Variants in VPS8 observed in about 807,000 individuals in gnomAD.
VPS8 encodes the protein VPS8 subunit of CORVET complex.
A neutral mutation model predicts 216.4 loss-of-function variants in VPS8; 129 were observed. The observed-to-expected ratio is 0.60, with a 90% CI of 0.52 to 0.69. The LOEUF is 0.69. Among genes scored for constraint, VPS8 ranks in the 30% least tolerant of loss-of-function variants. The pLI, the probability that VPS8 is intolerant of heterozygous loss-of-function variation, is 0.00. For synonymous variants in VPS8, 571 were observed against 565.4 expected, an observed-to-expected ratio of 1.01 and a Z score of -0.14; for missense variants, 1,531 against 1,683.5, an observed-to-expected ratio of 0.91 and a Z score of 1.59.
intron 46 of VPS8, among the ~76,000 whole-genome samples, chr3:185,043,778 A>C (rs1275762743): frequency 3.9e-5 from 6 of 152,184 alleles, no homozygotes; most frequent in Non-Finnish European, 8.8e-5. Context: ...ATTAAAGCAG[A>C]ATCATGAAGG....
chr3:184,942,461 T>C (rs1170408334), intron 36 of VPS8, among the ~76,000 whole-genome samples: 3 of 152,174 alleles, frequency 2.0e-5, no homozygotes, highest in African/African-American at 7.2e-5. Context: ...CTCACAGGCC[T>C]TCCTCTCCCC....
chr3:185,023,528 GC>G (rs1460643876), intron 45 of VPS8, among the ~76,000 whole-genome samples: 1 of 152,080 alleles, frequency 6.6e-6, no homozygotes, highest in African/African-American at 2.4e-5. Flanking sequence ...GCATGGTGGC[GC>G]ATACCTGTAA....
At chr3:184,940,091 C>T in intron 35 of VPS8, 106 bp from the exon 36 acceptor site, 1 of 415,830 alleles carries the variant, frequency 2.4e-6, no homozygotes, top group South Asian at 5.5e-5. Context: ...TGGAAATACT[C>T]AGATATCTGT....
intron 45 of VPS8, among the ~76,000 whole-genome samples, chr3:185,013,602 G>C (rs1755356218): frequency 6.6e-6 from 1 of 152,178 alleles, no homozygotes; most frequent in Non-Finnish European, 1.5e-5. Context: ...TGTCCTTCTA[G>C]ATGCTTTTTT....
chr3:184,887,527 C>T (rs1398387867), intron 22 of VPS8, among the ~76,000 whole-genome samples: 2 of 151,728 alleles, frequency 1.3e-5, no homozygotes, highest in South Asian at 2.1e-4. Context: ...TATTATCATC[C>T]ACATTTTATA....
rs530526858 is a variant in VPS8, at chr3:184,843,502, C to T, written c.541+257C>T. On this transcript the variant is annotated intron_variant, in intron 8 of 47. Coordinates refer to ENST00000625842, the MANE Select transcript of VPS8 (RefSeq NM_001009921.3). ...TTTTCCTTTGATCTTTTGATGTAGTCCCAAACCTTTTCTTTGAGTTTGTAT... is the reference window on the plus strand; with the variant it reads ...TTTTCCTTTGATCTTTTGATGTAGTTCCAAACCTTTTCTTTGAGTTTGTAT... Among the ~76,000 whole-genome samples the T allele has an allele frequency of 3.3e-5, 5 of 152,154 alleles. No individual in the cohort carries two copies. In the South Asian group the frequency reaches 1.0e-3, roughly 32 times the overall value.
intron 37 of VPS8, among the ~76,000 whole-genome samples, chr3:184,959,525 C>T (rs71318385): frequency 4.6e-5 from 7 of 152,136 alleles, no homozygotes; most frequent in East Asian, 1.9e-4. Flanking sequence ...GAATAGCCAC[C>T]GCCCCCCACC....
chr3:184,853,798 G>T, intron 11 of VPS8, 59 bp from the exon 12 acceptor site: 1 of 1,536,058 alleles, frequency 6.5e-7, no homozygotes, highest in Non-Finnish European at 8.8e-7. Context: ...TCCAGGTAGA[G>T]ATAGTAGTGC....
At chr3:184,848,858 C>T (rs1723689013) in intron 8 of VPS8, among the ~76,000 whole-genome samples, 3 of 152,188 alleles carry the variant, frequency 2.0e-5, no homozygotes, top group Middle Eastern at 3.4e-3. Flanking sequence ...CATGAGCCAC[C>T]GCACCCGGCC....
In VPS8 at chr3:184,900,918, C is replaced by T; in HGVS notation, c.2095-3C>T. Reference sequence around the variant, plus strand: ...GATTGTTTTCCTATTAATTTTAATGCAGAAACTTTTCAGAGTCATTGCTCC... The same window carrying T: ...GATTGTTTTCCTATTAATTTTAATGTAGAAACTTTTCAGAGTCATTGCTCC... On this transcript the variant is annotated splice_region_variant and splice_polypyrimidine_tract_variant and intron_variant, in intron 24 of 47. Coordinates refer to ENST00000625842, the MANE Select transcript of VPS8 (RefSeq NM_001009921.3). 1 of 1,600,946 alleles carries T rather than the reference C, an allele frequency of 6.2e-7. No individual in the cohort carries two copies. The highest frequency in any genetic ancestry group is 1.3e-5 in the African/African-American group (1 of 74,110).
chr3:184,915,798 G>C (rs1737452346), intron 28 of VPS8, among the ~76,000 whole-genome samples: 1 of 152,114 alleles, frequency 6.6e-6, no homozygotes, highest in Non-Finnish European at 1.5e-5. Flanking sequence ...TACAGAGAGA[G>C]ACTCTGTCTC....
intron 45 of VPS8, among the ~76,000 whole-genome samples, chr3:185,001,635 A>G (rs546004164): frequency 2.7e-5 from 4 of 150,834 alleles, no homozygotes; most frequent in South Asian, 2.1e-4. Context: ...CCTGAAAATT[A>G]TTGGTCATTT....
chr3:184,942,250 TA>T (rs1413862700), intron 36 of VPS8, among the ~76,000 whole-genome samples: 1 of 152,232 alleles, frequency 6.6e-6, no homozygotes, highest in East Asian at 1.9e-4. Context: ...AGATGTTAGT[TA>T]GGTAAGACCC....
intron 22 of VPS8, chr3:184,893,185 A>G: frequency 9.5e-7 from 1 of 1,050,722 alleles, no homozygotes; most frequent in South Asian, 1.9e-5. Flanking sequence ...GGTGGTGTGG[A>G]GTTCTGGTGC....
rs372734423 is a variant in VPS8 at position 184,930,464 on chromosome 3, C to T, written c.2800-6C>T. The T allele has an allele frequency of 1.5e-5, 24 of 1,601,958 alleles. No individual in the cohort carries two copies. The highest frequency in any genetic ancestry group is 1.5e-4 in the African/African-American group (11 of 74,636). ...TGAATAAATTATATTGTCTTGTGCT[C>T]TTCAGGAAGAAGTCTTTAATTACAT... On this transcript the variant is annotated splice_polypyrimidine_tract_variant and splice_region_variant and intron_variant, in intron 33 of 47. Transcript: ENST00000625842.
intron 45 of VPS8, among the ~76,000 whole-genome samples, chr3:185,003,656 A>G (rs1326543095): frequency 2.0e-5 from 3 of 152,016 alleles, no homozygotes; most frequent in African/African-American, 7.3e-5. Flanking sequence ...CCCGTTCTCA[A>G]TGAGCTGTTG....
intron 25 of VPS8, among the ~76,000 whole-genome samples, chr3:184,909,511 GC>G (rs1461858016): frequency 6.6e-6 from 1 of 152,016 alleles, no homozygotes; most frequent in African/African-American, 2.4e-5. Context: ...ATATTCATTT[GC>G]TCTTAACTCC....
chr3:184,832,683 A>G lies in VPS8; in HGVS notation c.223-6A>G. On this transcript the variant is annotated splice_region_variant and splice_polypyrimidine_tract_variant and intron_variant, in intron 3 of 47. Coordinates refer to ENST00000625842, the MANE Select transcript of VPS8 (RefSeq NM_001009921.3). ...GAATGTATTGATTTATCTTCTTCCAATTTAGACTGATGATGAAGATGAGTC... is the reference window on the plus strand; with the variant it reads ...GAATGTATTGATTTATCTTCTTCCAGTTTAGACTGATGATGAAGATGAGTC... The G allele has an allele frequency of 1.9e-6, 3 of 1,594,772 alleles. No homozygotes were observed. The highest frequency in any genetic ancestry group is 2.6e-6 in the Non-Finnish European group (3 of 1,169,102).
intron 7 of VPS8, among the ~76,000 whole-genome samples, chr3:184,842,466 T>C (rs991573134): frequency 6.6e-6 from 1 of 151,914 alleles, no homozygotes; most frequent in South Asian, 2.1e-4. Context: ...TGAGAAAGAA[T>C]CATAATATTC....
Sources: allele counts gnomAD v4.1 joint callset (sites outside exome capture counted in the v4.1 genomes callset), GRCh38; gene constraint gnomAD v4.1.1; transcripts MANE v1.5; gene names NCBI Gene and HGNC (gene_info 2026-07-23, HGNC 2026-07-21).